CSMD3: variants seen among roughly 807,000 people sequenced by gnomAD.
CSMD3 encodes the protein CUB and sushi domain-containing protein 3.
CSMD3 carries 177 observed loss-of-function variants against 435.2 expected under a neutral mutation model. That is an observed-to-expected ratio of 0.41 (90% CI 0.36 to 0.46). The LOEUF (loss-of-function observed/expected upper bound fraction) is 0.46. Ranked by LOEUF, CSMD3 falls within the 20% of genes least tolerant of loss-of-function variation. CSMD3 has a pLI of 0.34. For synonymous variants in CSMD3, 1,656 were observed against 1,520.5 expected (o/e 1.09, Z -2.07); for missense variants, 4,265 against 4,504.6 (o/e 0.95, Z 1.52).
intron 32 of CSMD3, among the ~76,000 whole-genome samples, chr8:112,434,452 T>C (rs893414416): frequency 5.9e-5 from 9 of 152,142 alleles, no homozygotes; most frequent in African/African-American, 2.2e-4. Context: ...CCTTTAACTT[T>C]CCTCCAAAAG....
chr8:112,455,338 G>A (rs922202232), intron 32 of CSMD3, among the ~76,000 whole-genome samples: 11 of 152,188 alleles, frequency 7.2e-5, no homozygotes, highest in African/African-American at 2.6e-4. Context: ...AATGTAGGAG[G>A]AGAAAACCAA....
chr8:112,369,735 A>G (rs558294830), intron 38 of CSMD3, among the ~76,000 whole-genome samples: 14 of 151,970 alleles, frequency 9.2e-5, no homozygotes, highest in Non-Finnish European at 1.6e-4. Flanking sequence ...AAGGGCAGGG[A>G]GAGCATTAGG....
chr8:112,628,933 A>G (rs4415348), intron 22 of CSMD3, among the ~76,000 whole-genome samples: 73,722 of 151,860 alleles, frequency 0.49, 18,544 homozygotes, highest in African/African-American at 0.59. Context: ...GGGCAGTGGA[A>G]AACAATGAAA....
chr8:112,895,890 A>G (rs2081936687), intron 10 of CSMD3, among the ~76,000 whole-genome samples: 1 of 151,452 alleles, frequency 6.6e-6, no homozygotes, highest in African/African-American at 2.4e-5. Context: ...TAAGAGAGTA[A>G]GAAAAAGCAG....
intron 13 of CSMD3, among the ~76,000 whole-genome samples, chr8:112,784,241 T>C (rs770278241): frequency 9.2e-5 from 14 of 151,916 alleles, no homozygotes; most frequent in Non-Finnish European, 2.1e-4. Context: ...CAAATGATAA[T>C]GGAAACATAA....
chr8:112,276,970 C>T (rs1003602861), intron 59 of CSMD3, among the ~76,000 whole-genome samples: 1 of 151,966 alleles, frequency 6.6e-6, no homozygotes, highest in Non-Finnish European at 1.5e-5. Flanking sequence ...ACTCACAAAA[C>T]CATTTTTTCC....
chr8:112,289,657 A>G (rs894869360), intron 56 of CSMD3, 119 bp from the exon 57 acceptor site: 4 of 666,670 alleles, frequency 6.0e-6, no homozygotes, highest in Non-Finnish European at 9.7e-6. Flanking sequence ...TAAAGCCTCC[A>G]GAAATCAAAC....
At position 112,228,657 on chromosome 8, in the gene CSMD3, CAG is replaced by C. The variant is rs767378881; in HGVS notation, c.10964+97_10964+98del. 14 of 1,299,870 alleles carry C rather than the reference CAG, an allele frequency of 1.1e-5. No individual in the cohort carries two copies. In the East Asian group the frequency reaches 1.9e-4, roughly 17 times the overall value. The allele number at this position is 1,299,870 out of a possible 1,614,324, so 80.5% of individuals were successfully genotyped here. On this transcript the variant is annotated intron_variant, in intron 70 of 70. Transcript: ENST00000297405. ...TTAGCACACAGACATTTCAACAACTCAGAAGAAAATTTGAAATTAAGATTTGA... is the reference window on the plus strand; with the variant it reads ...TTAGCACACAGACATTTCAACAACTCAAGAAAATTTGAAATTAAGATTTGA...
At chr8:112,873,877 T>G (rs1564052354) in intron 10 of CSMD3, among the ~76,000 whole-genome samples, 1 of 151,942 alleles carries the variant, frequency 6.6e-6, no homozygotes, top group Non-Finnish European at 1.5e-5. Flanking sequence ...ATTCACTGAT[T>G]TTTTTTGAAG....
At chr8:112,763,182 AAAAT>A (rs1384948931) in intron 13 of CSMD3, among the ~76,000 whole-genome samples, 2 of 151,704 alleles carry the variant, frequency 1.3e-5, no homozygotes, top group Admixed American at 6.6e-5. Flanking sequence ...TCAAGTTAAA[AAAAT>A]AAAAATCTTT....
At chr8:112,755,331 A>AAATAATAATAAT (rs71309790) in intron 13 of CSMD3, among the ~76,000 whole-genome samples, 1,499 of 128,674 alleles carry the variant, frequency 0.012, 18 homozygotes, top group Middle Eastern at 0.019. Context: ...ACTCCGTCTC[A>AAATAATAATAAT]AATAATAATA....
At chr8:112,707,489 G>C (rs549511642) in intron 13 of CSMD3, among the ~76,000 whole-genome samples, 2 of 151,570 alleles carry the variant, frequency 1.3e-5, no homozygotes, top group African/African-American at 2.4e-5. Flanking sequence ...GCGGCGGGAG[G>C]GGGGTGGTTC....
chr8:112,550,903 T>C (rs1027565765), intron 26 of CSMD3, 30 bp from the exon 27 acceptor site: 1 of 1,511,342 alleles, frequency 6.6e-7, no homozygotes, highest in Non-Finnish European at 9.2e-7. Flanking sequence ...CTCTGATTAT[T>C]TTAAACAAGG....
At chr8:112,590,269 T>C (rs1052724896) in intron 22 of CSMD3, among the ~76,000 whole-genome samples, 3 of 152,064 alleles carry the variant, frequency 2.0e-5, no homozygotes, top group African/African-American at 7.2e-5. Flanking sequence ...AATAAAAATA[T>C]AGTATGTGAA....
chr8:112,993,747 T>C (rs550733630), intron 6 of CSMD3, among the ~76,000 whole-genome samples: 1 of 151,810 alleles, frequency 6.6e-6, no homozygotes, highest in African/African-American at 2.4e-5. Context: ...ACCTCTTTGA[T>C]ACAAGTATAT....
chr8:112,772,627 G>A (rs2078148599), intron 13 of CSMD3, among the ~76,000 whole-genome samples: 1 of 151,992 alleles, frequency 6.6e-6, no homozygotes, highest in Non-Finnish European at 1.5e-5. Context: ...TAGTAAAAGA[G>A]GAAGGAACGC....
chr8:113,230,316 G>C lies in CSMD3; in HGVS notation c.514+48276C>G, dbSNP rs568267455. The stretch of plus-strand genomic sequence containing the variant: ...AGTTTTTTTTCCTTGTAGAATTATG[G>C]GATTGATTGAAACACTAAGTAAATT... On this transcript the variant is annotated intron_variant, in intron 3 of 70. Coordinates refer to ENST00000297405, the MANE Select transcript of CSMD3 (RefSeq NM_198123.2). Among the ~76,000 whole-genome samples, 7 of 151,566 alleles carry C rather than the reference G, an allele frequency of 4.6e-5. No individual in the cohort carries two copies. The South Asian group carries it at 1.0e-3, about 22-fold the overall frequency.
chr8:113,089,421 T>C (rs555209230), intron 5 of CSMD3, among the ~76,000 whole-genome samples: 1 of 152,256 alleles, frequency 6.6e-6, no homozygotes, highest in East Asian at 1.9e-4. Context: ...GTCATAGTAC[T>C]AATTTAGAAC....
chr8:112,564,278 TTTCCTTTCCTTC>T (rs1245744879), intron 24 of CSMD3, among the ~76,000 whole-genome samples: 2 of 151,488 alleles, frequency 1.3e-5, no homozygotes, highest in Non-Finnish European at 2.9e-5. Context: ...TTCTTGGCCC[TTTCCTTTCCTTC>T]TTCCTTTCCT....
Sources: allele counts gnomAD v4.1 joint callset (sites outside exome capture counted in the v4.1 genomes callset), GRCh38; gene constraint gnomAD v4.1.1; transcripts MANE v1.5; gene names NCBI Gene and HGNC (gene_info 2026-07-23, HGNC 2026-07-21).